The following FBXL20 variants were observed in gnomAD, a reference collection of about 807,000 sequenced individuals.
FBXL20 encodes the protein F-box/LRR-repeat protein 20.
Under a neutral mutation model 64.0 loss-of-function variants are expected in FBXL20, and 11 were observed. The ratio of observed to expected loss-of-function variants is 0.17; its 90% CI spans 0.11 to 0.28. The LOEUF is 0.28. FBXL20 is among the 10% of genes least tolerant of loss of function. FBXL20 has a pLI of 1.00. For synonymous variants in FBXL20, 184 were observed against 189.0 expected, an observed-to-expected ratio of 0.97 and a Z score of 0.22; for missense variants, 303 against 526.2, an observed-to-expected ratio of 0.58 and a Z score of 4.15.
chr17:39,360,282 G>A (rs2144612401), intron 1 of FBXL20, among the ~76,000 whole-genome samples: 1 of 152,210 alleles, frequency 6.6e-6, no homozygotes, highest in African/African-American at 2.4e-5. Context: ...TTCAGTTTGG[G>A]AAGATGAAAA....
intron 1 of FBXL20, among the ~76,000 whole-genome samples, chr17:39,357,369 T>C (rs1250648689): frequency 2.0e-5 from 3 of 152,150 alleles, no homozygotes; most frequent in African/African-American, 7.2e-5. Flanking sequence ...GCATTATTTC[T>C]AGACTCTCAA....
At chr17:39,275,125 C>T (rs767678324) in intron 9 of FBXL20, 25 bp from the exon 10 acceptor site, 1 of 1,591,944 alleles carries the variant, frequency 6.3e-7, no homozygotes, top group South Asian at 1.2e-5. Context: ...CAAAAAAATC[C>T]ATAGATATTA....
chr17:39,316,986 C>T (rs542979647), intron 2 of FBXL20, among the ~76,000 whole-genome samples: 19 of 152,344 alleles, frequency 1.2e-4, no homozygotes, highest in African/African-American at 4.3e-4. Flanking sequence ...GAGACTCCAT[C>T]TCATTTAAAA....
intron 1 of FBXL20, among the ~76,000 whole-genome samples, chr17:39,401,101 G>A (rs912687348): frequency 2.0e-5 from 3 of 152,228 alleles, no homozygotes; most frequent in African/African-American, 4.8e-5. Flanking sequence ...CCTGGAGGAG[G>A]GTGGAATTAG....
intron 1 of FBXL20, among the ~76,000 whole-genome samples, chr17:39,379,721 C>T (rs1398847909): frequency 6.6e-6 from 1 of 152,002 alleles, no homozygotes; most frequent in South Asian, 2.1e-4. Context: ...TTTGAGCCTG[C>T]AGTGAGCTAT....
At chr17:39,380,618 CCTTT>C (rs955039945) in intron 1 of FBXL20, among the ~76,000 whole-genome samples, 30 of 152,070 alleles carry the variant, frequency 2.0e-4, no homozygotes, top group Non-Finnish European at 3.2e-4. Context: ...CCTTTCCTGC[CCTTT>C]ATTTTGCCCA....
intron 1 of FBXL20, among the ~76,000 whole-genome samples, chr17:39,381,477 C>G (rs539884347): frequency 3.5e-4 from 38 of 109,034 alleles, no homozygotes; most frequent in African/African-American, 1.6e-3. Context: ...GAGACTCTGT[C>G]TCAAAAAAAA....
chr17:39,399,558 T>TA, intron 1 of FBXL20, among the ~76,000 whole-genome samples: 1 of 152,324 alleles, frequency 6.6e-6, no homozygotes, highest in African/African-American at 2.4e-5. Context: ...ATTAAGTGAA[T>TA]AGCTTTTAGT....
chr17:39,329,134 C>T (rs968910485), intron 2 of FBXL20, among the ~76,000 whole-genome samples: 4 of 152,010 alleles, frequency 2.6e-5, no homozygotes, highest in Non-Finnish European at 5.9e-5. Flanking sequence ...AACATGACAA[C>T]GAAAAAATCT....
intron 9 of FBXL20, among the ~76,000 whole-genome samples, chr17:39,280,748 G>A (rs866391701): frequency 1.3e-5 from 2 of 152,134 alleles, no homozygotes; most frequent in South Asian, 4.2e-4. Flanking sequence ...ATAATTTGAC[G>A]AGTATATATT....
chr17:39,337,228 T>C (rs1179137103), intron 2 of FBXL20, among the ~76,000 whole-genome samples: 1 of 152,200 alleles, frequency 6.6e-6, no homozygotes, highest in Non-Finnish European at 1.5e-5. Context: ...CCACGAGTGA[T>C]CCGCCAGCCT....
upstream of FBXL20, chr17:39,402,312 C>T (rs2048256964): frequency 1.1e-6 from 1 of 875,240 alleles, no homozygotes; most frequent in Non-Finnish European, 1.5e-6. Context: ...CCCGCCTCCC[C>T]CGCCCCAGTG....
At chr17:39,353,023 T>C (rs1172667992) in intron 1 of FBXL20, among the ~76,000 whole-genome samples, 1 of 152,106 alleles carries the variant, frequency 6.6e-6, no homozygotes, top group Non-Finnish European at 1.5e-5. Context: ...CTGCTTAGAA[T>C]AGGATTAGGA....
intron 3 of FBXL20, among the ~76,000 whole-genome samples, chr17:39,301,437 T>A (rs1254251412): frequency 6.6e-6 from 1 of 151,924 alleles, no homozygotes; most frequent in Non-Finnish European, 1.5e-5. Context: ...TAAAAAAATT[T>A]AAAAACTTGG....
At chr17:39,320,893 G>C (rs1455649941) in intron 2 of FBXL20, among the ~76,000 whole-genome samples, 1 of 152,080 alleles carries the variant, frequency 6.6e-6, no homozygotes, top group East Asian at 1.9e-4. Flanking sequence ...GGCCCAGTAT[G>C]AATACTCTAC....
At chr17:39,341,542 G>C (rs923240008) in intron 2 of FBXL20, among the ~76,000 whole-genome samples, 2 of 152,130 alleles carry the variant, frequency 1.3e-5, no homozygotes, top group African/African-American at 4.8e-5. Flanking sequence ...CCGAATTAAG[G>C]AGAGAGGGTT....
intron 1 of FBXL20, among the ~76,000 whole-genome samples, chr17:39,346,055 C>G (rs909331861): frequency 6.6e-6 from 1 of 152,100 alleles, no homozygotes; most frequent in African/African-American, 2.4e-5. Flanking sequence ...GGAGTGGTAG[C>G]TCATGCCTGT....
In FBXL20 at chr17:39,301,066, C is replaced by T. The variant is rs771800074; in HGVS notation, c.169G>A (p.Val57Ile). The T allele has an allele frequency of 6.2e-7, 1 of 1,613,678 alleles. No individual in the cohort carries two copies. The highest frequency in any genetic ancestry group is 1.3e-5 in the African/African-American group (1 of 75,030). ...CAGTTACTGCCATCCAGAGCCAGAA[C>T]ATTCCAGGCCTATTTTAAAGAAAAA... ...RCAQVSRAWN[V>I]LALDGSNWQR... is the part of the protein sequence containing the mutation. The change falls in exon 4 of 15, where the codon GTT becomes ATT. Residue 57 changes from valine to isoleucine, a missense_variant. Physicochemically the swap from Val to Ile is conservative, Grantham distance 29. This residue lies in a region of FBXL20 where 246 missense variants were observed against 422.6 expected (regional missense o/e 0.58). Coordinates refer to ENST00000264658, the MANE Select transcript of FBXL20 (RefSeq NM_032875.3).
intron 2 of FBXL20, among the ~76,000 whole-genome samples, chr17:39,309,810 A>G (rs1414225695): frequency 6.6e-6 from 1 of 151,246 alleles, no homozygotes; most frequent in African/African-American, 2.4e-5. Flanking sequence ...AAAAAAGAAA[A>G]GAAAAATAAA....
Sources: allele counts gnomAD v4.1 joint callset (sites outside exome capture counted in the v4.1 genomes callset), GRCh38; gene constraint gnomAD v4.1.1; regional missense constraint gnomAD v4.1.1; transcripts MANE v1.5; gene names NCBI Gene and HGNC (gene_info 2026-07-23, HGNC 2026-07-21).